Variants in CHD7 observed in about 807,000 individuals in gnomAD.
The protein encoded by CHD7 is ATP-dependent chromatin remodeler CHD7.
In CHD7, 24 loss-of-function variants were observed where a neutral mutation model predicts 307.3. The ratio of observed to expected loss-of-function variants is 0.08; its 90% CI spans 0.06 to 0.11. The LOEUF is 0.11. Ranked by LOEUF, CHD7 falls within the 10% of genes least tolerant of loss-of-function variation. CHD7 has a pLI of 1.00. For synonymous variants in CHD7, 1,363 were observed against 1,349.9 expected (o/e 1.01, Z -0.21); for missense variants, 3,106 against 3,727.1 (o/e 0.83, Z 4.34).
At chr8:60,775,304 CAT>C in intron 2 of CHD7, among the ~76,000 whole-genome samples, 1 of 49,954 alleles carries the variant, frequency 2.0e-5, no homozygotes, top group Non-Finnish European at 8.9e-5. Flanking sequence ...ATTATCTTGA[CAT>C]ATAGGAATAT....
chr8:60,715,346 G>C (rs1418319848), intron 1 of CHD7, among the ~76,000 whole-genome samples: 1 of 66,836 alleles, frequency 1.5e-5, no homozygotes, highest in Admixed American at 1.5e-4. Context: ...TTTTTTTTTT[G>C]GGAGTCTTGC....
chr8:60,789,621 C>T (rs1811671170), intron 3 of CHD7, among the ~76,000 whole-genome samples: 2 of 152,208 alleles, frequency 1.3e-5, no homozygotes, highest in African/African-American at 4.8e-5. Flanking sequence ...ATTAGGCCGA[C>T]ACTAATCAAT....
chr8:60,683,307 A>G (rs1318740096), intron 1 of CHD7, among the ~76,000 whole-genome samples: 1 of 152,234 alleles, frequency 6.6e-6, no homozygotes. Flanking sequence ...TTTTTCTACA[A>G]AAAATACAAA....
At chr8:60,816,965 T>G (rs1240220596) in intron 8 of CHD7, among the ~76,000 whole-genome samples, 1 of 152,254 alleles carries the variant, frequency 6.6e-6, no homozygotes, top group African/African-American at 2.4e-5. Flanking sequence ...AATGCTGTGC[T>G]GTAGTGTAGA....
At chr8:60,746,188 C>T (rs542853101) in intron 2 of CHD7, among the ~76,000 whole-genome samples, 4 of 152,256 alleles carry the variant, frequency 2.6e-5, no homozygotes, top group African/African-American at 4.8e-5. Context: ...CGCGCACCAC[C>T]GTGCCTGGCT....
intron 2 of CHD7, among the ~76,000 whole-genome samples, chr8:60,772,039 G>A (rs1489236111): frequency 1.3e-5 from 2 of 152,212 alleles, no homozygotes; most frequent in African/African-American, 4.8e-5. Context: ...ATAGTCAGAA[G>A]ATAGAGATAA....
chr8:60,774,516 G>A (rs9298041), intron 2 of CHD7, among the ~76,000 whole-genome samples: 34,216 of 152,180 alleles, frequency 0.22, 5,398 homozygotes, highest in African/African-American at 0.45. Context: ...CCAGGCTGGG[G>A]CAGCTTTGCT....
chr8:60,736,491 G>A (rs1401359484), intron 1 of CHD7, among the ~76,000 whole-genome samples: 1 of 152,004 alleles, frequency 6.6e-6, no homozygotes, highest in African/African-American at 2.4e-5. Flanking sequence ...TGATGAGGGT[G>A]GTGATGTGCT....
intron 1 of CHD7, among the ~76,000 whole-genome samples, chr8:60,716,740 A>C (rs1053230344): frequency 6.6e-6 from 1 of 152,236 alleles, no homozygotes; most frequent in Non-Finnish European, 1.5e-5. Flanking sequence ...ATCGTTGTCC[A>C]TAATGTTTAC....
chr8:60,810,317 C>T (rs1014584571), intron 7 of CHD7, among the ~76,000 whole-genome samples: 4 of 151,742 alleles, frequency 2.6e-5, no homozygotes, highest in Non-Finnish European at 5.9e-5. Context: ...TAGGTGTGCT[C>T]CTCGTTGCTG....
In CHD7 at chr8:60,865,164, A is replaced by C. The variant is rs1416636387; in HGVS notation, c.8225A>C (p.Asn2742Thr). The C allele has an allele frequency of 6.2e-7, 1 of 1,612,086 alleles. No homozygotes were observed. Among genetic ancestry groups the C allele is most frequent in the Non-Finnish European group, 8.5e-7 (1 of 1,179,198 alleles). Reference protein sequence around the residue: ...AAAVASTSGINPLLVNSLFAG... With the variant: ...AAAVASTSGITPLLVNSLFAG... ...GCTGTGGCCTCCACGTCAGGGATCA[A>C]CCCTTTGCTGGTGAACAGCCTGTTT... Residue 2742 changes from asparagine to threonine, a missense_variant, in exon 38 of 38, where the codon AAC becomes ACC. This residue lies in a region of CHD7 where 351 missense variants were observed against 366.2 expected (regional missense o/e 0.96). Coordinates refer to ENST00000423902, the MANE Select transcript of CHD7 (RefSeq NM_017780.4). This position sits in a 1 kb window ranked among gnomAD's most constrained non-coding sequence, Gnocchi z 4.3.
At chr8:60,682,673 A>G (rs988894066) in intron 1 of CHD7, among the ~76,000 whole-genome samples, 1 of 152,346 alleles carries the variant, frequency 6.6e-6, no homozygotes, top group South Asian at 2.1e-4. Context: ...TGTACCATCT[A>G]ATAGAGAGCA....
At chr8:60,756,180 A>C (rs767764264) in intron 2 of CHD7, among the ~76,000 whole-genome samples, 2 of 152,224 alleles carry the variant, frequency 1.3e-5, no homozygotes, top group South Asian at 4.1e-4. Flanking sequence ...GAGCACAATT[A>C]AAAATAGAAA....
intron 1 of CHD7, among the ~76,000 whole-genome samples, chr8:60,684,690 G>A (rs926244679): frequency 1.3e-5 from 2 of 152,208 alleles, no homozygotes; most frequent in Non-Finnish European, 2.9e-5. Context: ...CTCGAGGCAG[G>A]CAGTATCCAA....
chr8:60,825,608 T>C (rs761816776), intron 13 of CHD7, among the ~76,000 whole-genome samples: 14 of 152,364 alleles, frequency 9.2e-5, no homozygotes, highest in South Asian at 2.1e-4. Context: ...GCTTGTGATA[T>C]AACCTAAATA....
chr8:60,684,720 A>G (rs1054691406), intron 1 of CHD7, among the ~76,000 whole-genome samples: 1 of 152,186 alleles, frequency 6.6e-6, no homozygotes, highest in African/African-American at 2.4e-5. Context: ...GGCTTTCAGG[A>G]TATCAAATTT....
intron 1 of CHD7, among the ~76,000 whole-genome samples, chr8:60,718,132 C>T: frequency 6.6e-6 from 1 of 152,138 alleles, no homozygotes; most frequent in Non-Finnish European, 1.5e-5. Flanking sequence ...TATTGATGAT[C>T]CCAACCTGTG....
intron 1 of CHD7, among the ~76,000 whole-genome samples, chr8:60,692,879 A>G (rs1056573120): frequency 6.6e-6 from 1 of 152,032 alleles, no homozygotes; most frequent in African/African-American, 2.4e-5. Context: ...GCCCACAGCA[A>G]CCTTATTTGC....
intron 23 of CHD7, among the ~76,000 whole-genome samples, chr8:60,846,369 A>G (rs1277078887): frequency 1.3e-5 from 2 of 152,318 alleles, no homozygotes; most frequent in East Asian, 3.9e-4. Context: ...CCAAAAACTG[A>G]TTATAGATAA....
Sources: gnomAD v4.1 joint callset for allele counts (sites outside exome capture counted in the v4.1 genomes callset) on GRCh38, gnomAD v4.1.1 for gene constraint, gnomAD v4.1.1 regional missense constraint, Gnocchi (gnomAD v3.1) non-coding constraint, MANE v1.5 for transcripts, NCBI Gene and HGNC (gene_info 2026-07-23, HGNC 2026-07-21) for gene names.